GRAMD1B: variants seen among roughly 807,000 people sequenced by gnomAD.
GRAMD1B encodes GRAM domain containing 1B.
Under a neutral mutation model 99.7 loss-of-function variants are expected in GRAMD1B, and 37 were observed. That is an observed-to-expected ratio of 0.37 (90% CI 0.29 to 0.49). GRAMD1B has a LOEUF of 0.49. Ranked by LOEUF, GRAMD1B falls within the 20% of genes least tolerant of loss-of-function variation. GRAMD1B has a pLI of 0.98. For missense variants in GRAMD1B, 888 were observed against 1,009.2 expected, an observed-to-expected ratio of 0.88 and a Z score of 1.63; for synonymous variants, 427 against 387.6, an observed-to-expected ratio of 1.10 and a Z score of -1.19.
intron 3 of GRAMD1B, among the ~76,000 whole-genome samples, chr11:123,583,400 G>GTA (rs1555085385): frequency 1.0e-4 from 15 of 150,612 alleles, no homozygotes; most frequent in Admixed American, 2.6e-4. Context: ...GTGTGCGTGT[G>GTA]TGTGTGTGTC....
chr11:123,565,553 G>A (rs1947269769), intron 2 of GRAMD1B, among the ~76,000 whole-genome samples: 1 of 152,198 alleles, frequency 6.6e-6, no homozygotes, highest in South Asian at 2.1e-4. Context: ...AATCAAAGAG[G>A]TTTGGACAGA....
chr11:123,480,060 G>A (rs1433940589), intron 1 of GRAMD1B, among the ~76,000 whole-genome samples: 1 of 152,154 alleles, frequency 6.6e-6, no homozygotes, highest in Non-Finnish European at 1.5e-5. Context: ...AGCAGTTAGT[G>A]TCATGAAGTG....
rs145502257 is a variant in GRAMD1B at position 123,523,059 on chromosome 11, C to T, written c.452+42166C>T. ...TAAGGCACTACAGTTAGGCTGGGCGCGGTGGCTCATGCCTGTAATCCCAAT... is the reference window on the plus strand; with the variant it reads ...TAAGGCACTACAGTTAGGCTGGGCGTGGTGGCTCATGCCTGTAATCCCAAT... On this transcript the variant is annotated intron_variant, in intron 2 of 19. Transcript: ENST00000635736. Among the ~76,000 whole-genome samples the T allele has an allele frequency of 3.0e-4, 45 of 152,232 alleles. 1 individual carries two copies. The East Asian group carries it at 7.5e-3, about 25-fold the overall frequency.
intron 2 of GRAMD1B, among the ~76,000 whole-genome samples, chr11:123,545,846 G>A (rs1944998025): frequency 6.6e-6 from 1 of 152,162 alleles, no homozygotes; most frequent in Admixed American, 6.5e-5. Context: ...TGGCTTTTCT[G>A]TGTGCTTTAC....
chr11:123,509,265 C>T (rs557299411), intron 2 of GRAMD1B, among the ~76,000 whole-genome samples: 1 of 152,272 alleles, frequency 6.6e-6, no homozygotes, highest in East Asian at 1.9e-4. Flanking sequence ...AGGTCCTACT[C>T]ACTTGTAGCC....
intron 1 of GRAMD1B, among the ~76,000 whole-genome samples, chr11:123,379,270 G>A (rs1425338688): frequency 6.6e-6 from 1 of 152,146 alleles, no homozygotes; most frequent in Non-Finnish European, 1.5e-5. Context: ...TTATTCAAAT[G>A]GCATCTGCAA....
Position 123,430,498 on chromosome 11 carries a change from A to G in GRAMD1B, c.-295A>G. On this transcript the variant is annotated 5_prime_UTR_variant, in exon 1 of 20. Coordinates refer to ENST00000635736, the MANE Select transcript of GRAMD1B (RefSeq NM_001387025.1). The stretch of plus-strand genomic sequence containing the variant: ...GAAAAACAAGCGGGCGCGCGAGGGG[A>G]GCCCCAGGAGGGCTGCCGAGTGGCT... 1 of 394,326 alleles carries G rather than the reference A, an allele frequency of 2.5e-6. No individual in the cohort carries two copies. Among genetic ancestry groups the G allele is most frequent in the Non-Finnish European group, 4.5e-6 (1 of 222,238 alleles). The allele number at this position is 394,326 out of a possible 1,614,324, so 24.4% of individuals were successfully genotyped here. A position where few individuals can be genotyped will look rare whatever the true frequency, so the allele number is the denominator to read the frequency against.
intron 2 of GRAMD1B, among the ~76,000 whole-genome samples, chr11:123,570,407 A>AT (rs1176341333): frequency 1.6e-5 from 2 of 125,216 alleles, no homozygotes; most frequent in Admixed American, 1.6e-4. Context: ...AAGAGTCTTT[A>AT]TTTTTTTTCT....
intron 2 of GRAMD1B, among the ~76,000 whole-genome samples, chr11:123,487,139 A>G (rs955943218): frequency 7.2e-5 from 11 of 152,244 alleles, no homozygotes; most frequent in Admixed American, 3.3e-4. Context: ...AACCTTGCAT[A>G]CATTTTTAAA....
chr11:123,608,631 C>G, intron 11 of GRAMD1B, 28 bp from the exon 12 acceptor site: 1 of 1,572,340 alleles, frequency 6.4e-7, no homozygotes, highest in Non-Finnish European at 8.6e-7. Context: ...CTGTCACTGT[C>G]TACTTCCTGA....
At chr11:123,503,395 C>A (rs764238671) in intron 2 of GRAMD1B, among the ~76,000 whole-genome samples, 1 of 152,166 alleles carries the variant, frequency 6.6e-6, no homozygotes, top group South Asian at 2.1e-4. Context: ...CAAGTGCAGA[C>A]GGCTTGGAGG....
intron 1 of GRAMD1B, among the ~76,000 whole-genome samples, chr11:123,451,475 G>A (rs1035181248): frequency 2.0e-5 from 3 of 152,186 alleles, no homozygotes; most frequent in Admixed American, 6.5e-5. Context: ...TGTACCATAC[G>A]TGTGTTGTAT....
chr11:123,576,632 G>T (rs1948744020), intron 2 of GRAMD1B, among the ~76,000 whole-genome samples: 1 of 152,190 alleles, frequency 6.6e-6, no homozygotes, highest in Non-Finnish European at 1.5e-5. Flanking sequence ...TAAATGTTGG[G>T]GTAAGGGAAT....
Position 123,452,479 on chromosome 11 carries a change from C to G in GRAMD1B, c.374+21313C>G, listed in dbSNP as rs867400998. Among the ~76,000 whole-genome samples the G allele has an allele frequency of 3.9e-5, 6 of 152,226 alleles. No homozygotes were observed. In the Middle Eastern group the frequency reaches 0.014, roughly 345 times the overall value. ...TGGCCAACATGGTGAAACCCTGTCT[C>G]TACTAAAAATACAAAAATTAGCCAG... is the stretch of plus-strand genomic sequence containing the variant. On this transcript the variant is annotated intron_variant, in intron 1 of 19. Coordinates refer to ENST00000635736, the MANE Select transcript of GRAMD1B (RefSeq NM_001387025.1).
In GRAMD1B at chr11:123,610,215, A is replaced by G; in HGVS notation, c.1796A>G (p.Gln599Arg). ...RETQTMYKAS[Q>R]ESECYVIDAE... Reference sequence around the variant, plus strand: ...CCGCAGACCATGTACAAGGCGAGCCAGGAGAGTGAATGTTACGTGATAGAT... The same window carrying G: ...CCGCAGACCATGTACAAGGCGAGCCGGGAGAGTGAATGTTACGTGATAGAT... The change falls in exon 14 of 20, where the codon CAG becomes CGG. Residue 599 changes from glutamine to arginine, a missense_variant. Physicochemically the swap from Gln to Arg is conservative, Grantham distance 43 (BLOSUM62 1). This residue lies in a region of GRAMD1B where 92 missense variants were observed against 156.9 expected (regional missense o/e 0.59). Coordinates refer to ENST00000635736, the MANE Select transcript of GRAMD1B (RefSeq NM_001387025.1). The surrounding 1 kb of genome is among the most constrained non-coding windows in gnomAD (Gnocchi z 4.1). The G allele has an allele frequency of 6.2e-7, 1 of 1,613,862 alleles. No individual in the cohort carries two copies. The highest frequency in any genetic ancestry group is 8.5e-7 in the Non-Finnish European group (1 of 1,179,792).
intron 1 of GRAMD1B, among the ~76,000 whole-genome samples, chr11:123,407,363 C>T (rs897716393): frequency 7.2e-5 from 11 of 152,110 alleles, no homozygotes; most frequent in East Asian, 3.9e-4. Flanking sequence ...TTGACATATC[C>T]GTCTGCTCTC....
At chr11:123,614,910 T>A in intron 17 of GRAMD1B, 75 bp downstream of exon 17, 1 of 800,392 alleles carries the variant, frequency 1.2e-6, no homozygotes, top group Non-Finnish European at 2.1e-6. Context: ...CCCTCGTCTC[T>A]TGAAGCATCT....
At chr11:123,530,714 G>A (rs1943265105) in intron 2 of GRAMD1B, among the ~76,000 whole-genome samples, 1 of 152,210 alleles carries the variant, frequency 6.6e-6, no homozygotes, top group African/African-American at 2.4e-5. Context: ...CTGCTCCAGA[G>A]GAGGGAGCCC....
intron 1 of GRAMD1B, among the ~76,000 whole-genome samples, chr11:123,371,816 C>T (rs1946538833): frequency 2.0e-5 from 3 of 152,180 alleles, no homozygotes; most frequent in Admixed American, 2.0e-4. Context: ...TTTGTCTATC[C>T]TTACTCTCTG....
Sources: allele counts gnomAD v4.1 joint callset (sites outside exome capture counted in the v4.1 genomes callset), GRCh38; gene constraint gnomAD v4.1.1; regional missense constraint gnomAD v4.1.1; non-coding constraint Gnocchi (gnomAD v3.1); transcripts MANE v1.5; gene names NCBI Gene and HGNC (gene_info 2026-07-23, HGNC 2026-07-21).